Variants in CACNG3 observed in about 807,000 individuals in gnomAD.
The protein encoded by CACNG3 is calcium voltage-gated channel auxiliary subunit gamma 3, also known as voltage-dependent calcium channel gamma-3 subunit.
A neutral mutation model predicts 28.5 loss-of-function variants in CACNG3; 3 were observed. The ratio of observed to expected loss-of-function variants is 0.11; its 90% CI spans 0.05 to 0.27. CACNG3 has a LOEUF of 0.27. CACNG3 is among the 10% of genes least tolerant of loss of function. The probability of loss-of-function intolerance (pLI) is 1.00; values close to 1 mark genes in which losing one functional copy is unlikely to be tolerated. For synonymous variants in CACNG3, 174 were observed against 162.2 expected (o/e 1.07, Z -0.55); for missense variants, 236 against 414.4 (o/e 0.57, Z 3.74).
intron 1 of CACNG3, among the ~76,000 whole-genome samples, chr16:24,304,486 C>T (rs1899157896): frequency 1.3e-5 from 2 of 152,136 alleles, no homozygotes; most frequent in African/African-American, 4.8e-5. Flanking sequence ...ACCTGATAAG[C>T]CCCTAGAAGC....
chr16:24,277,739 C>A (rs188909404), intron 1 of CACNG3, among the ~76,000 whole-genome samples: 57 of 146,408 alleles, frequency 3.9e-4, no homozygotes, highest in Non-Finnish European at 7.7e-4. Flanking sequence ...GAGATTGCAC[C>A]ACTGCACTCC....
chr16:24,359,472 G>A (rs1481699245), intron 3 of CACNG3, among the ~76,000 whole-genome samples: 1 of 152,080 alleles, frequency 6.6e-6, no homozygotes, highest in Non-Finnish European at 1.5e-5. Flanking sequence ...GAATGTCTGT[G>A]CTGGGTACAG....
At chr16:24,282,406 CT>C (rs11457090) in intron 1 of CACNG3, among the ~76,000 whole-genome samples, 5,587 of 145,782 alleles carry the variant, frequency 0.038, 130 homozygotes, top group Middle Eastern at 0.081. Flanking sequence ...TCATTACTTC[CT>C]TTTTTTTTTT....
intron 2 of CACNG3, among the ~76,000 whole-genome samples, chr16:24,347,141 G>T (rs533707148): frequency 6.6e-6 from 1 of 152,232 alleles, no homozygotes; most frequent in African/African-American, 2.4e-5. Context: ...AATATAGCAA[G>T]AACCCATCTC....
At chr16:24,344,006 G>A (rs1054615220) in intron 1 of CACNG3, among the ~76,000 whole-genome samples, 2 of 152,086 alleles carry the variant, frequency 1.3e-5, no homozygotes, top group African/African-American at 2.4e-5. Context: ...GGAGAATGGC[G>A]TGAGCAGAGC....
intron 1 of CACNG3, among the ~76,000 whole-genome samples, chr16:24,294,638 C>T (rs747457683): frequency 2.0e-5 from 3 of 152,122 alleles, no homozygotes; most frequent in African/African-American, 7.2e-5. Context: ...CGGCCTCAAG[C>T]GATCCTCCTA....
intron 1 of CACNG3, among the ~76,000 whole-genome samples, chr16:24,269,196 G>A (rs553702542): frequency 2.6e-4 from 40 of 152,142 alleles, no homozygotes; most frequent in African/African-American, 8.4e-4. Context: ...AAAACTATCC[G>A]CCACAACTCC....
At chr16:24,290,329 T>C (rs1035306166) in intron 1 of CACNG3, among the ~76,000 whole-genome samples, 2 of 152,172 alleles carry the variant, frequency 1.3e-5, no homozygotes, top group Admixed American at 1.3e-4. Context: ...ATGCTGAACA[T>C]GCATATCATA....
At chr16:24,305,697 C>T (rs1051826738) in intron 1 of CACNG3, among the ~76,000 whole-genome samples, 6 of 151,912 alleles carry the variant, frequency 3.9e-5, no homozygotes, top group African/African-American at 1.2e-4. Flanking sequence ...CTAATACATG[C>T]GGGGTCTACA....
chr16:24,300,567 C>G (rs1248956912), intron 1 of CACNG3, among the ~76,000 whole-genome samples: 2 of 151,214 alleles, frequency 1.3e-5, no homozygotes, highest in East Asian at 3.9e-4. Flanking sequence ...CAGGATCACC[C>G]ATTTGGGACC....
intron 1 of CACNG3, among the ~76,000 whole-genome samples, chr16:24,305,229 C>T (rs1487534297): frequency 6.6e-6 from 1 of 151,924 alleles, no homozygotes; most frequent in East Asian, 1.9e-4. Flanking sequence ...TATGGGAAAT[C>T]TCTGTACCTT....
rs774161868 is a variant in CACNG3, at chr16:24,256,983, T to C, written c.211+18T>C. 6.9e-7 allele frequency: 1 copy of C among 1,455,440 alleles called. No individual in the cohort carries two copies. The highest frequency in any genetic ancestry group is 9.7e-7 in the Non-Finnish European group (1 of 1,035,474). The allele number at this position is 1,455,440 out of a possible 1,614,324, so 90.2% of individuals were successfully genotyped here. A position where few individuals can be genotyped will look rare whatever the true frequency, so the allele number is the denominator to read the frequency against. ...CCTAGAAGGTATTTACAATTTCCTC[T>C]CAATAGCTCTGAATAATCCAGTTCT... On this transcript the variant is annotated intron_variant, in intron 1 of 3. Transcript: ENST00000005284. This position sits in a 1 kb window ranked among gnomAD's most constrained non-coding sequence, Gnocchi z 4.6.
chr16:24,300,094 G>A (rs562239851), intron 1 of CACNG3, among the ~76,000 whole-genome samples: 15 of 152,286 alleles, frequency 9.8e-5, no homozygotes, highest in African/African-American at 2.9e-4. Flanking sequence ...CAGAGACCAC[G>A]AAAATTAAAG....
intron 1 of CACNG3, among the ~76,000 whole-genome samples, chr16:24,286,431 CACAT>C (rs71378630): frequency 0.24 from 36,005 of 150,684 alleles, 4,700 homozygotes; most frequent in Non-Finnish European, 0.31. Context: ...CACACACACA[CACAT>C]ATATATATAT....
intron 3 of CACNG3, 150 bp downstream of exon 3, chr16:24,355,123 A>G: frequency 2.6e-6 from 2 of 782,492 alleles, no homozygotes; most frequent in Non-Finnish European, 4.0e-6. Context: ...CAAGAATTCC[A>G]TTAGAACCAA....
At chr16:24,345,777 G>A (rs538393508) in intron 1 of CACNG3, among the ~76,000 whole-genome samples, 5 of 152,334 alleles carry the variant, frequency 3.3e-5, no homozygotes, top group South Asian at 2.1e-4. Context: ...TCCCAAAGGG[G>A]TGAACCTCAT....
intron 2 of CACNG3, among the ~76,000 whole-genome samples, chr16:24,351,603 G>GGGGAAA (rs1899940443): frequency 8.0e-6 from 1 of 124,602 alleles, no homozygotes; most frequent in Non-Finnish European, 1.7e-5. Flanking sequence ...GGAAGGGGAA[G>GGGGAAA]GGGAAGGGGA....
chr16:24,319,590 G>A (rs1899429195), intron 1 of CACNG3, among the ~76,000 whole-genome samples: 2 of 108,042 alleles, frequency 1.9e-5, no homozygotes, highest in African/African-American at 6.7e-5. Context: ...GCCATGCCTG[G>A]CTTTTATTTA....
intron 1 of CACNG3, among the ~76,000 whole-genome samples, chr16:24,287,433 A>G (rs1898909637): frequency 6.7e-6 from 1 of 148,654 alleles, no homozygotes; most frequent in African/African-American, 2.5e-5. Context: ...CATGAGAATC[A>G]CTTGAACCCA....
Sources: gnomAD v4.1 joint callset for allele counts (sites outside exome capture counted in the v4.1 genomes callset) on GRCh38, gnomAD v4.1.1 for gene constraint, Gnocchi (gnomAD v3.1) non-coding constraint, MANE v1.5 for transcripts, NCBI Gene and HGNC (gene_info 2026-07-23, HGNC 2026-07-21) for gene names.